SYT17: variants seen among roughly 807,000 people sequenced by gnomAD.
The protein encoded by SYT17 is synaptotagmin 17.
In SYT17, 22 loss-of-function variants were observed where a neutral mutation model predicts 46.7. That is an observed-to-expected ratio of 0.47 (90% CI 0.34 to 0.67). The LOEUF (loss-of-function observed/expected upper bound fraction) is 0.67. Ranked by LOEUF, SYT17 falls within the 30% of genes least tolerant of loss-of-function variation. SYT17 has a pLI of 0.01. For synonymous variants in SYT17, 251 were observed against 248.4 expected (o/e 1.01, Z -0.10); for missense variants, 519 against 612.8 (o/e 0.85, Z 1.62).
rs185330313 is a variant in SYT17 at position 19,251,553 on chromosome 16, G to A, written c.1229-15327G>A. Reference sequence around the variant, plus strand: ...GCCCACCATCCCACCATTTTATAGCGCAAGCGTGAGCAGGCAACCTTGTCA... The same window carrying A: ...GCCCACCATCCCACCATTTTATAGCACAAGCGTGAGCAGGCAACCTTGTCA... On this transcript the variant is annotated intron_variant, in intron 7 of 7. Coordinates refer to ENST00000355377, the MANE Select transcript of SYT17 (RefSeq NM_016524.4). Among the ~76,000 whole-genome samples, 35 of 152,264 alleles carry A rather than the reference G, an allele frequency of 2.3e-4. 1 individual carries two copies. Among genetic ancestry groups the A allele is most frequent in the African/African-American group, 4.1e-4 (17 of 41,554 alleles).
chr16:19,182,707 G>T (rs1173471932), intron 4 of SYT17, among the ~76,000 whole-genome samples: 2 of 152,248 alleles, frequency 1.3e-5, no homozygotes, highest in Non-Finnish European at 2.9e-5. Context: ...CTAGAAGAGA[G>T]GGATGTGCAA....
chr16:19,198,423 C>T (rs903912410), intron 5 of SYT17, among the ~76,000 whole-genome samples: 1 of 152,180 alleles, frequency 6.6e-6, no homozygotes, highest in Middle Eastern at 3.2e-3. Context: ...CAACCACTTC[C>T]AGCAGTGTGA....
intron 7 of SYT17, among the ~76,000 whole-genome samples, chr16:19,239,867 G>A (rs1406754858): frequency 6.6e-6 from 1 of 152,194 alleles, no homozygotes; most frequent in Admixed American, 6.5e-5. Context: ...AAACGAGCAT[G>A]GGGTTCAGCC....
chr16:19,168,541 T>A lies in SYT17; in HGVS notation c.-106T>A. 6.7e-7 allele frequency: 1 copy of A among 1,497,688 alleles called. No homozygotes were observed. The highest frequency in any genetic ancestry group is 9.0e-7 in the Non-Finnish European group (1 of 1,107,416). 92.8% of individuals were successfully genotyped at this position (1,497,688 alleles called of 1,614,324 possible). On this transcript the variant is annotated 5_prime_UTR_variant, in exon 1 of 8. Transcript: ENST00000355377. The surrounding 1 kb of genome is among the most constrained non-coding windows in gnomAD (Gnocchi z 6.9). Reference sequence around the variant, plus strand: ...GTCACGTCTGGGGCCACCGGCTGCCTTTTTCTTCCTTTCCCCCTTTGCTTT... The same window carrying A: ...GTCACGTCTGGGGCCACCGGCTGCCATTTTCTTCCTTTCCCCCTTTGCTTT...
rs565588119 is a variant in SYT17 at position 19,265,822 on chromosome 16, T to C, written c.1229-1058T>C. 9.2e-5 allele frequency among the ~76,000 whole-genome samples: 14 copies of C among 152,292 alleles called. No homozygotes were observed. In the South Asian group the frequency reaches 2.9e-3, roughly 32 times the overall value. On this transcript the variant is annotated intron_variant, in intron 7 of 7. Coordinates refer to ENST00000355377, the MANE Select transcript of SYT17 (RefSeq NM_016524.4). ...TCTCATTAGGCTTGAAAGACACAAA[T>C]TAAGCTGAAGTTGGGATTAACAGAG... is the stretch of plus-strand genomic sequence containing the variant.
chr16:19,168,792 G>A lies in SYT17; in HGVS notation c.15+131G>A. 3.3e-6 allele frequency: 4 copies of A among 1,211,928 alleles called. No individual in the cohort carries two copies. Among genetic ancestry groups the A allele is most frequent in the Non-Finnish European group, 3.3e-6 (3 of 901,906 alleles). 75.1% of individuals were successfully genotyped at this position (1,211,928 alleles called of 1,614,324 possible). On this transcript the variant is annotated intron_variant, in intron 1 of 7. Transcript: ENST00000355377. This position sits in a 1 kb window ranked among gnomAD's most constrained non-coding sequence, Gnocchi z 6.9. ...ACTTGCTTCGAGAAAAAGGGTGCCC[G>A]TGCGCGGGCAACCTGTGCAGCAACA...
chr16:19,264,749 G>C (rs1308329879), intron 7 of SYT17, among the ~76,000 whole-genome samples: 8 of 152,028 alleles, frequency 5.3e-5, no homozygotes, highest in Non-Finnish European at 5.9e-5. Flanking sequence ...ACACCACTAT[G>C]TCTGGCTGAT....
At chr16:19,209,771 G>A (rs1017680346) in intron 5 of SYT17, among the ~76,000 whole-genome samples, 5 of 151,752 alleles carry the variant, frequency 3.3e-5, no homozygotes, top group Admixed American at 2.0e-4. Context: ...CCAGCTACTC[G>A]GGAGGCTGAG....
At chr16:19,193,146 G>A (rs763688899) in intron 5 of SYT17, among the ~76,000 whole-genome samples, 2 of 152,230 alleles carry the variant, frequency 1.3e-5, no homozygotes, top group Admixed American at 6.5e-5. Context: ...ATAAGCTGGC[G>A]TGGCAAGTGC....
chr16:19,211,826 C>T (rs936810401), intron 5 of SYT17, among the ~76,000 whole-genome samples: 21 of 151,952 alleles, frequency 1.4e-4, no homozygotes, highest in African/African-American at 5.1e-4. Context: ...CTCGGTTTCA[C>T]TGTGTTAGCC....
chr16:19,218,536 A>T (rs1317867077), intron 5 of SYT17, among the ~76,000 whole-genome samples: 1 of 152,208 alleles, frequency 6.6e-6, no homozygotes, highest in Admixed American at 6.5e-5. Context: ...TTAAGATGAA[A>T]AACACTCAGT....
At chr16:19,237,944 A>G (rs536332012) in intron 7 of SYT17, among the ~76,000 whole-genome samples, 129 of 152,242 alleles carry the variant, frequency 8.5e-4, no homozygotes, top group Non-Finnish European at 1.6e-3. Flanking sequence ...AGCCTGCAGG[A>G]TAAGAAGTTG....
At chr16:19,237,845 C>T (rs72779572) in intron 7 of SYT17, among the ~76,000 whole-genome samples, 9,841 of 152,300 alleles carry the variant, frequency 0.065, 422 homozygotes, top group Non-Finnish European at 0.089. Flanking sequence ...AGGAGACCCT[C>T]CCTCTGTTCT....
chr16:19,199,242 A>G (rs1965371050), intron 5 of SYT17, among the ~76,000 whole-genome samples: 1 of 152,166 alleles, frequency 6.6e-6, no homozygotes, highest in Non-Finnish European at 1.5e-5. Flanking sequence ...ATGTGGTCCC[A>G]CTGCAGACTC....
At position 19,183,404 on chromosome 16, in the gene SYT17, T is replaced by G; in HGVS notation, c.332-124T>G. The G allele has an allele frequency of 3.0e-6, 4 of 1,326,522 alleles. No individual in the cohort carries two copies. The highest frequency in any genetic ancestry group is 4.1e-6 in the Non-Finnish European group (4 of 966,570). 82.2% of individuals were successfully genotyped at this position (1,326,522 alleles called of 1,614,324 possible). On this transcript the variant is annotated intron_variant, in intron 4 of 7. Transcript: ENST00000355377. This position sits in a 1 kb window ranked among gnomAD's most constrained non-coding sequence, Gnocchi z 5.6. Reference sequence around the variant, plus strand: ...CAGAATCAGTGAGTATTTCAGAGTGTGGAGAAAGATGGCAAAGGTCATTCT... The same window carrying G: ...CAGAATCAGTGAGTATTTCAGAGTGGGGAGAAAGATGGCAAAGGTCATTCT...
intron 5 of SYT17, among the ~76,000 whole-genome samples, chr16:19,215,147 C>T (rs1215764278): frequency 1.3e-5 from 2 of 152,194 alleles, no homozygotes; most frequent in African/African-American, 4.8e-5. Flanking sequence ...GATTTCTCAA[C>T]GGGAACTGCA....
intron 7 of SYT17, among the ~76,000 whole-genome samples, chr16:19,231,753 G>A (rs1966699960): frequency 1.3e-5 from 2 of 151,960 alleles, no homozygotes. Context: ...TAAATTTTTG[G>A]AGCACCTACT....
chr16:19,188,513 C>CAAAAAAAAA (rs61202540), intron 5 of SYT17, among the ~76,000 whole-genome samples: 72 of 64,550 alleles, frequency 1.1e-3, no homozygotes, highest in South Asian at 2.2e-3. Flanking sequence ...TTCAGTTCTG[C>CAAAAAAAAA]AAAAAAAAAA....
chr16:19,225,897 A>C (rs953422312), intron 7 of SYT17, among the ~76,000 whole-genome samples: 9 of 152,174 alleles, frequency 5.9e-5, no homozygotes, highest in African/African-American at 2.2e-4. Context: ...ATTATATTCT[A>C]TTCACTAGAA....
Sources: allele counts gnomAD v4.1 joint callset (sites outside exome capture counted in the v4.1 genomes callset), GRCh38; gene constraint gnomAD v4.1.1; non-coding constraint Gnocchi (gnomAD v3.1); transcripts MANE v1.5; gene names NCBI Gene and HGNC (gene_info 2026-07-23, HGNC 2026-07-21).